The following SIK3 variants were observed in gnomAD, a reference collection of about 807,000 sequenced individuals.
SIK3 encodes SIK family kinase 3, also known as serine/threonine-protein kinase SIK3.
In SIK3, 28 loss-of-function variants were observed where a neutral mutation model predicts 144.2. That is an observed-to-expected ratio of 0.19 (90% CI 0.14 to 0.27). The LOEUF (loss-of-function observed/expected upper bound fraction) is 0.27. Among genes scored for constraint, SIK3 ranks in the 10% least tolerant of loss-of-function variants. SIK3 has a pLI of 1.00. For missense variants in SIK3, 1,319 were observed against 1,776.0 expected, an observed-to-expected ratio of 0.74 and a Z score of 4.62; for synonymous variants, 686 against 676.3, an observed-to-expected ratio of 1.01 and a Z score of -0.22.
intron 3 of SIK3, among the ~76,000 whole-genome samples, chr11:116,947,383 A>G (rs961375302): frequency 7.4e-5 from 11 of 148,720 alleles, no homozygotes; most frequent in Non-Finnish European, 1.2e-4. Context: ...AAGAATCAGA[A>G]GTTGAACATT....
chr11:116,954,208 A>C lies in SIK3; in HGVS notation c.391-101T>G. The C allele has an allele frequency of 2.4e-6, 2 of 847,956 alleles. 1 individual carries two copies. The highest frequency in any genetic ancestry group is 4.5e-4 in the Middle Eastern group (2 of 4,444). The allele number at this position is 847,956 out of a possible 1,614,324, so 52.5% of individuals were successfully genotyped here. A position where few individuals can be genotyped will look rare whatever the true frequency, so the allele number is the denominator to read the frequency against. On this transcript the variant is annotated intron_variant, in intron 2 of 24. Coordinates refer to ENST00000445177, the MANE Select transcript of SIK3 (RefSeq NM_001366686.3). Reference sequence around the variant, plus strand: ...TCTTTTCTCATTTGAAATATTAATAACCACTATAGATTAAAGAAAATTTAA... The same window carrying C: ...TCTTTTCTCATTTGAAATATTAATACCCACTATAGATTAAAGAAAATTTAA...
intron 1 of SIK3, among the ~76,000 whole-genome samples, chr11:117,001,965 C>T (rs553512586): frequency 6.6e-6 from 1 of 152,338 alleles, no homozygotes; most frequent in South Asian, 2.1e-4. Context: ...TCCTCAGCAT[C>T]AAGTACAAAG....
intron 1 of SIK3, among the ~76,000 whole-genome samples, chr11:117,030,727 G>C (rs1270182125): frequency 1.3e-5 from 2 of 152,106 alleles, no homozygotes; most frequent in African/African-American, 4.8e-5. Context: ...CTGGTGTGCA[G>C]TGGCAGGACT....
intron 1 of SIK3, among the ~76,000 whole-genome samples, chr11:117,091,437 C>T (rs1171549788): frequency 1.3e-5 from 2 of 151,924 alleles, no homozygotes; most frequent in African/African-American, 2.4e-5. Context: ...AACTCCTGAC[C>T]TCAGGTGATC....
chr11:117,058,176 T>A (rs1953626594), intron 1 of SIK3, among the ~76,000 whole-genome samples: 1 of 152,116 alleles, frequency 6.6e-6, no homozygotes, highest in Non-Finnish European at 1.5e-5. Flanking sequence ...GCTAAGGCGC[T>A]AAGAGGACAG....
Position 116,876,906 on chromosome 11 carries a change from C to G in SIK3, c.984+18G>C, listed in dbSNP as rs1024246439. On this transcript the variant is annotated intron_variant, in intron 7 of 24. Transcript: ENST00000445177. ...CAGCTTTCAGAGGAGTCCCCTGCAG[C>G]AGCGGTTCCCAGCTCACCCTGTCAA... 2 of 1,605,390 alleles carry G rather than the reference C, an allele frequency of 1.2e-6. No individual in the cohort carries two copies. Among genetic ancestry groups the G allele is most frequent in the African/African-American group, 2.7e-5 (2 of 74,712 alleles).
intron 1 of SIK3, among the ~76,000 whole-genome samples, chr11:117,078,414 CTTTTTT>C (rs752116300): frequency 4.6e-5 from 6 of 131,500 alleles, no homozygotes; most frequent in African/African-American, 1.6e-4. Context: ...TGCATAACAC[CTTTTTT>C]TTTTTTTTTT....
At chr11:117,036,627 A>C (rs1020988650) in intron 1 of SIK3, among the ~76,000 whole-genome samples, 7 of 152,230 alleles carry the variant, frequency 4.6e-5, no homozygotes, top group Non-Finnish European at 1.0e-4. Flanking sequence ...TATTTATTGT[A>C]ATTATTCTAT....
chr11:116,978,992 G>T (rs1439176174), intron 1 of SIK3, among the ~76,000 whole-genome samples: 1 of 152,104 alleles, frequency 6.6e-6, no homozygotes, highest in African/African-American at 2.4e-5. Context: ...TAGCTACTAT[G>T]AACAATAATT....
chr11:117,020,084 C>A (rs1951702538), intron 1 of SIK3, among the ~76,000 whole-genome samples: 1 of 151,910 alleles, frequency 6.6e-6, no homozygotes, highest in Non-Finnish European at 1.5e-5. Context: ...TACAACCTTC[C>A]AAACCCGGGG....
chr11:117,053,945 C>A (rs1316085462), intron 1 of SIK3, among the ~76,000 whole-genome samples: 1 of 152,108 alleles, frequency 6.6e-6, no homozygotes, highest in Non-Finnish European at 1.5e-5. Context: ...CCACACCCAG[C>A]ATTTTCTTTC....
chr11:117,016,394 GGGAAGGAAGGAAGGAAGGAAGGAA>G (rs771165423), intron 1 of SIK3, among the ~76,000 whole-genome samples: 3 of 59,280 alleles, frequency 5.1e-5, no homozygotes, highest in East Asian at 3.7e-4. Flanking sequence ...GAGGGAGGGA[GGGAAGGAAGGAAGGAAGGAAGGAA>G]GGAAGGAAGG....
chr11:116,866,476 C>G (rs1943648228), intron 15 of SIK3, among the ~76,000 whole-genome samples: 1 of 152,172 alleles, frequency 6.6e-6, no homozygotes, highest in Non-Finnish European at 1.5e-5. Context: ...GAGTCTCACT[C>G]TGTTGCCCAG....
chr11:116,942,928 G>A (rs1341520388), intron 3 of SIK3, among the ~76,000 whole-genome samples: 2 of 152,064 alleles, frequency 1.3e-5, no homozygotes, highest in South Asian at 2.1e-4. Flanking sequence ...AGCTATAATC[G>A]GGGGGGAAGT....
intron 1 of SIK3, among the ~76,000 whole-genome samples, chr11:117,033,939 T>C (rs992714020): frequency 5.9e-5 from 9 of 152,086 alleles, no homozygotes; most frequent in African/African-American, 2.2e-4. Flanking sequence ...AATAATGTAA[T>C]AGCCATTTGT....
At chr11:117,064,637 A>G (rs1297288787) in intron 1 of SIK3, among the ~76,000 whole-genome samples, 1 of 152,186 alleles carries the variant, frequency 6.6e-6, no homozygotes, top group African/African-American at 2.4e-5. Context: ...TTCAACTCTT[A>G]TACCTACAAC....
chr11:117,093,465 T>A (rs1955334452), intron 1 of SIK3, among the ~76,000 whole-genome samples: 1 of 152,222 alleles, frequency 6.6e-6, no homozygotes, highest in African/African-American at 2.4e-5. Flanking sequence ...CAAGGGCAAA[T>A]GTGTCCTTAA....
Position 116,857,910 on chromosome 11 carries a change from T to G in SIK3, c.3555A>C (p.Glu1185Asp), listed in dbSNP as rs758784883. ...CATGACTCACAGTTCCTAGCAAAGA[T>G]TCAGGGTCCCCAGGTCCACCGGTAC... ...LLSTGGPGDP[E>D]SLLGTVSHAQ... The change falls in exon 21 of 25, where the codon GAA becomes GAC. Residue 1185 changes from glutamate (E) to aspartate (D), a missense_variant. This residue lies in a region of SIK3 where 646 missense variants were observed against 763.7 expected (regional missense o/e 0.85). Transcript: ENST00000445177. 21 of 1,614,050 alleles carry G rather than the reference T, an allele frequency of 1.3e-5. No homozygotes were observed. The highest frequency in any genetic ancestry group is 1.7e-5 in the Non-Finnish European group (20 of 1,180,042).
Position 117,013,901 on chromosome 11 carries a change from GGGGGGGGGGGGA to G in SIK3, c.274-56849_274-56838del, listed in dbSNP as rs1277270189. The stretch of plus-strand genomic sequence containing the variant: ...TGGATATAAGTCTCCAGATTCTGAG[GGGGGGGGGGGGA>G]GGGTGTGTGTGTGTGTGTGTGTGTG... On this transcript the variant is annotated intron_variant, in intron 1 of 24. Coordinates refer to ENST00000445177, the MANE Select transcript of SIK3 (RefSeq NM_001366686.3). 9.2e-3 allele frequency among the ~76,000 whole-genome samples: 548 copies of G among 59,768 alleles called. 24 individuals are homozygous for G. The highest frequency in any genetic ancestry group is 0.027 in the African/African-American group (506 of 18,530). 39.2% of individuals were successfully genotyped at this position (59,768 alleles called of 152,430 possible). A position where few individuals can be genotyped will look rare whatever the true frequency, so the allele number is the denominator to read the frequency against.
Sources: allele counts gnomAD v4.1 joint callset (sites outside exome capture counted in the v4.1 genomes callset), GRCh38; gene constraint gnomAD v4.1.1; regional missense constraint gnomAD v4.1.1; transcripts MANE v1.5; gene names NCBI Gene and HGNC (gene_info 2026-07-23, HGNC 2026-07-21).